ANO4: variants seen among roughly 807,000 people sequenced by gnomAD.
The protein encoded by ANO4 is anoctamin-4.
In ANO4, 69 loss-of-function variants were observed where a neutral mutation model predicts 141.9. The observed-to-expected ratio is 0.49, with a 90% CI of 0.40 to 0.59. The LOEUF is 0.59. Ranked by LOEUF, ANO4 falls within the 20% of genes least tolerant of loss-of-function variation. The pLI is 0.00. For missense variants in ANO4, 894 were observed against 1,162.2 expected, an observed-to-expected ratio of 0.77 and a Z score of 3.36; for synonymous variants, 350 against 394.3, an observed-to-expected ratio of 0.89 and a Z score of 1.33.
At chr12:100,941,661 A>G (rs61633935) in intron 4 of ANO4, among the ~76,000 whole-genome samples, 2,906 of 152,232 alleles carry the variant, frequency 0.019, 87 homozygotes, top group African/African-American at 0.066. Flanking sequence ...GAATATTCAT[A>G]TACATGTCTC....
chr12:100,944,689 T>C (rs1290497860), intron 5 of ANO4, among the ~76,000 whole-genome samples: 1 of 152,170 alleles, frequency 6.6e-6, no homozygotes, highest in African/African-American at 2.4e-5. Context: ...TAATGCAGCC[T>C]CCCAGCTCTG....
intron 9 of ANO4, among the ~76,000 whole-genome samples, chr12:101,031,262 G>T (rs1286772954): frequency 5.3e-5 from 8 of 152,152 alleles, no homozygotes; most frequent in African/African-American, 1.9e-4. Context: ...TCACACCTGG[G>T]ATGCAAGGCT....
chr12:101,026,339 G>C (rs1461103120), intron 9 of ANO4, among the ~76,000 whole-genome samples: 3 of 152,096 alleles, frequency 2.0e-5, no homozygotes, highest in Admixed American at 1.3e-4. Context: ...CTTAAGAATT[G>C]TACACTGAAA....
chr12:101,098,033 T>C, intron 21 of ANO4, 88 bp downstream of exon 21: 1 of 1,223,114 alleles, frequency 8.2e-7, no homozygotes, highest in Non-Finnish European at 1.2e-6. Flanking sequence ...CAATGCAGAC[T>C]CAGCAGTTAA....
chr12:101,094,831 T>G (rs1311228827), intron 18 of ANO4, among the ~76,000 whole-genome samples: 1 of 150,892 alleles, frequency 6.6e-6, no homozygotes, highest in African/African-American at 2.4e-5. Flanking sequence ...ACAAAAAAAT[T>G]AAAAAATTAG....
chr12:101,071,454 C>T (rs1475156091), intron 14 of ANO4, among the ~76,000 whole-genome samples: 1 of 151,690 alleles, frequency 6.6e-6, no homozygotes, highest in Non-Finnish European at 1.5e-5. Flanking sequence ...ACATGTTGTT[C>T]TCACTTATTT....
chr12:101,080,888 T>A (rs1430679709), intron 15 of ANO4, among the ~76,000 whole-genome samples: 4 of 133,788 alleles, frequency 3.0e-5, no homozygotes, highest in East Asian at 2.0e-4. Context: ...ATATATTATA[T>A]ATATATATAT....
intron 1 of ANO4, among the ~76,000 whole-genome samples, chr12:100,888,058 T>A (rs962880833): frequency 1.3e-5 from 2 of 152,084 alleles, no homozygotes; most frequent in Non-Finnish European, 2.9e-5. Context: ...AGTGAGAAAT[T>A]CAGGATTTAG....
intron 5 of ANO4, among the ~76,000 whole-genome samples, chr12:100,968,484 C>G (rs1019196129): frequency 6.6e-6 from 1 of 152,046 alleles, no homozygotes; most frequent in African/African-American, 2.4e-5. Context: ...CATATAGTGT[C>G]TTCGGTGTTG....
intron 2 of ANO4, among the ~76,000 whole-genome samples, chr12:100,905,313 A>G (rs2040790862): frequency 6.6e-6 from 1 of 152,226 alleles, no homozygotes; most frequent in Admixed American, 6.5e-5. Flanking sequence ...GGAGAGCATC[A>G]AGGGCTGAGA....
chr12:100,811,090 C>T (rs1399414579), intron 1 of ANO4, among the ~76,000 whole-genome samples: 2 of 151,986 alleles, frequency 1.3e-5, no homozygotes, highest in Non-Finnish European at 2.9e-5. Context: ...TAATCAAAGC[C>T]CTGATAATAC....
At chr12:100,901,889 C>T (rs1249903531) in intron 2 of ANO4, 49 bp downstream of exon 2, 1 of 1,457,430 alleles carries the variant, frequency 6.9e-7, no homozygotes, top group Non-Finnish European at 9.3e-7. Flanking sequence ...AGCAACCTGA[C>T]CACAGTCTGC....
intron 7 of ANO4, among the ~76,000 whole-genome samples, chr12:100,984,740 A>G (rs1355702359): frequency 6.6e-6 from 1 of 152,224 alleles, no homozygotes; most frequent in African/African-American, 2.4e-5. Flanking sequence ...CATGCCAAGC[A>G]GCATCCTCTT....
chr12:101,047,989 A>G (rs755100192), intron 13 of ANO4: 989 of 1,010,996 alleles, frequency 9.8e-4, no homozygotes, highest in Non-Finnish European at 1.1e-3. Flanking sequence ...AGCAGCACTA[A>G]CAATACCTTC....
chr12:100,810,308 G>A (rs78451975), intron 1 of ANO4, among the ~76,000 whole-genome samples: 25 of 152,222 alleles, frequency 1.6e-4, no homozygotes, highest in East Asian at 1.4e-3. Context: ...AACAGCCAGT[G>A]CAGAGGCCCT....
chr12:100,959,830 TC>T (rs1490013002), intron 5 of ANO4, among the ~76,000 whole-genome samples: 1 of 152,160 alleles, frequency 6.6e-6, no homozygotes, highest in Non-Finnish European at 1.5e-5. Context: ...CCCCTTTTCT[TC>T]TGTATCTCCA....
chr12:100,850,708 A>G (rs1036959754), intron 1 of ANO4, among the ~76,000 whole-genome samples: 3 of 125,394 alleles, frequency 2.4e-5, no homozygotes, highest in African/African-American at 8.6e-5. Flanking sequence ...GAAATTCAGA[A>G]CTATATTTTG....
At chr12:100,937,286 G>T (rs1007536549) in intron 3 of ANO4, among the ~76,000 whole-genome samples, 5 of 152,140 alleles carry the variant, frequency 3.3e-5, no homozygotes, top group Admixed American at 1.3e-4. Context: ...AACTTACATT[G>T]TAATAAGGTA....
chr12:100,970,663 C>CGCCTGCCTTCCTTCCT lies in ANO4; in HGVS notation c.457-643_457-642insGCCTGCCTTCCTTCCT, dbSNP rs372004015. 1.1e-3 allele frequency among the ~76,000 whole-genome samples: 105 copies of CGCCTGCCTTCCTTCCT among 91,750 alleles called. 2 individuals are homozygous for CGCCTGCCTTCCTTCCT. The highest frequency in any genetic ancestry group is 5.7e-3 in the Middle Eastern group (1 of 174). The allele number at this position is 91,750 out of a possible 152,430, so 60.2% of individuals were successfully genotyped here. A position where few individuals can be genotyped will look rare whatever the true frequency, so the allele number is the denominator to read the frequency against. ...TCCCTTCCTCCCTCCCTCCCTCCCT[C>CGCCTGCCTTCCTTCCT]TCCTTCCTTCCTTCCTTCCTTCCTT... On this transcript the variant is annotated intron_variant, in intron 5 of 27. Transcript: ENST00000392977.
Sources: gnomAD v4.1 joint callset for allele counts (sites outside exome capture counted in the v4.1 genomes callset) on GRCh38, gnomAD v4.1.1 for gene constraint, MANE v1.5 for transcripts, NCBI Gene and HGNC (gene_info 2026-07-23, HGNC 2026-07-21) for gene names.